Variants in RIMBP2 observed in about 807,000 individuals in gnomAD.
RIMBP2 encodes the protein RIMS-binding protein 2.
RIMBP2 carries 48 observed loss-of-function variants against 118.6 expected under a neutral mutation model. The ratio of observed to expected loss-of-function variants is 0.40; its 90% CI spans 0.32 to 0.51. The LOEUF (loss-of-function observed/expected upper bound fraction) is 0.51. Among genes scored for constraint, RIMBP2 ranks in the 20% least tolerant of loss-of-function variants. RIMBP2 has a pLI of 0.41. For synonymous variants in RIMBP2, 762 were observed against 742.9 expected (o/e 1.03, Z -0.42); for missense variants, 1,551 against 1,768.3 (o/e 0.88, Z 2.20).
rs548573900 is a variant in RIMBP2 at position 130,664,409 on chromosome 12, ACG to A, written c.-351-35955_-351-35954del. On this transcript the variant is annotated intron_variant, in intron 1 of 22. Coordinates refer to ENST00000690449, the MANE Select transcript of RIMBP2 (RefSeq NM_001393629.1). The stretch of plus-strand genomic sequence containing the variant: ...CGCATGCACACACACGCACGCACGC[ACG>A]CACACACACGCACACACATGCATGC... 4.5e-4 allele frequency among the ~76,000 whole-genome samples: 44 copies of A among 97,780 alleles called. 1 individual carries two copies. The highest frequency in any genetic ancestry group is 5.6e-3 in the Middle Eastern group (1 of 180). 64.1% of individuals were successfully genotyped at this position (97,780 alleles called of 152,430 possible).
intron 6 of RIMBP2, among the ~76,000 whole-genome samples, chr12:130,467,635 G>C (rs2080606507): frequency 6.6e-6 from 1 of 152,158 alleles, no homozygotes; most frequent in South Asian, 2.1e-4. Context: ...CAACATCCCT[G>C]TCTTAATAAA....
intron 1 of RIMBP2, among the ~76,000 whole-genome samples, chr12:130,642,820 A>G (rs1306052831): frequency 4.6e-5 from 7 of 152,326 alleles, no homozygotes; most frequent in African/African-American, 1.4e-4. Context: ...TCACACCAGC[A>G]GGTCACAGGC....
rs1027059513 is a variant in RIMBP2 at position 130,539,356 on chromosome 12, A to G, written c.-216-21439T>C. Among the ~76,000 whole-genome samples the G allele has an allele frequency of 9.2e-5, 14 of 152,326 alleles. No homozygotes were observed. In the East Asian group the frequency reaches 2.3e-3, roughly 25 times the overall value. ...TGTAGGAATATGAAGGAGGAAACAA[A>G]TGTAGAGATTTCTAGAAAATGTGAT... On this transcript the variant is annotated intron_variant, in intron 2 of 22. Transcript: ENST00000690449.
chr12:130,619,215 C>T (rs552330636), intron 2 of RIMBP2, among the ~76,000 whole-genome samples: 10 of 152,314 alleles, frequency 6.6e-5, no homozygotes, highest in East Asian at 1.9e-4. Context: ...GGGAATACTA[C>T]GCGAGCAAAG....
chr12:130,422,417 G>T lies in RIMBP2; in HGVS notation c.3238+36C>A. The T allele has an allele frequency of 6.8e-7, 1 of 1,467,884 alleles. No individual in the cohort carries two copies. Among genetic ancestry groups the T allele is most frequent in the Non-Finnish European group, 9.5e-7 (1 of 1,054,442 alleles). The allele number at this position is 1,467,884 out of a possible 1,614,324, so 90.9% of individuals were successfully genotyped here. The stretch of plus-strand genomic sequence containing the variant: ...GGAGTAAGCAGCCACATGCTCCGCG[G>T]CTGAAAGACACAACAGCGATGATGG... On this transcript the variant is annotated intron_variant, in intron 17 of 22. Transcript: ENST00000690449. This position sits in a 1 kb window ranked among gnomAD's most constrained non-coding sequence, Gnocchi z 5.2.
Position 130,438,347 on chromosome 12 carries a change from C to CCCCCCAACCAAAAAAA in RIMBP2, c.1656+17_1656+18insTTTTTTTGGTTGGGGG. 2 of 1,527,310 alleles carry CCCCCCAACCAAAAAAA rather than the reference C, an allele frequency of 1.3e-6. No individual in the cohort carries two copies. Among genetic ancestry groups the CCCCCCAACCAAAAAAA allele is most frequent in the African/African-American group, 1.3e-5 (1 of 74,170 alleles). 94.6% of individuals were successfully genotyped at this position (1,527,310 alleles called of 1,614,324 possible). On this transcript the variant is annotated intron_variant, in intron 12 of 22. Transcript: ENST00000690449. ...TAGGGCCTAACAAACCCTCCCCACC[C>CCCCCCAACCAAAAAAA]ACCCAACGAAAACTCACCCTCTGCC... is the stretch of plus-strand genomic sequence containing the variant.
In RIMBP2 at chr12:130,406,157, A is replaced by G. The variant is rs1406169676; in HGVS notation, c.3765+15T>C. 4 of 1,419,316 alleles carry G rather than the reference A, an allele frequency of 2.8e-6. No individual in the cohort carries two copies. Among genetic ancestry groups the G allele is most frequent in the Non-Finnish European group, 4.0e-6 (4 of 1,007,302 alleles). The allele number at this position is 1,419,316 out of a possible 1,614,324, so 87.9% of individuals were successfully genotyped here. A position where few individuals can be genotyped will look rare whatever the true frequency, so the allele number is the denominator to read the frequency against. On this transcript the variant is annotated intron_variant, in intron 21 of 22. Transcript: ENST00000690449. ...CAAAAATCAAATGGTACTTCTTGATATTTCAAAAACTTACATAATAAAATC... is the reference window on the plus strand; with the variant it reads ...CAAAAATCAAATGGTACTTCTTGATGTTTCAAAAACTTACATAATAAAATC...
In RIMBP2 at chr12:130,438,401, G is replaced by C; in HGVS notation, c.1620C>G (p.Asn540Lys). The C allele has an allele frequency of 6.7e-7, 1 of 1,488,784 alleles. No homozygotes were observed. Among genetic ancestry groups the C allele is most frequent in the Non-Finnish European group, 9.1e-7 (1 of 1,102,608 alleles). 92.2% of individuals were successfully genotyped at this position (1,488,784 alleles called of 1,614,324 possible). A position where few individuals can be genotyped will look rare whatever the true frequency, so the allele number is the denominator to read the frequency against. ...LTPTGLSNGA[N>K]VTGYGVYAKG... is the part of the protein sequence containing the mutation. ...TGGCATACACGCCGTAGCCGGTAAC[G>C]TTTGCGCCATTGGACAGCCCGGTGG... The change falls in exon 12 of 23, where the codon AAC becomes AAG. Residue 540 changes from asparagine to lysine, a missense_variant. By Grantham distance (94) the Asn-to-Lys change is moderately conservative. Around this residue, in one of 5 missense-constraint regions of RIMBP2, gnomAD observed 1,038 missense variants for 1,125.1 expected, o/e 0.92. Transcript: ENST00000690449.
chr12:130,483,986 G>A lies in RIMBP2; in HGVS notation c.-3-4970C>T, dbSNP rs112700013. 6.9e-3 allele frequency among the ~76,000 whole-genome samples: 1,051 copies of A among 152,200 alleles called. 15 individuals carry two copies. Among genetic ancestry groups the A allele is most frequent in the African/African-American group, 0.024 (1,002 of 41,522 alleles). ...TAACAGGGGCTGCGAGGGCTTCCGC[G>A]GCTCCTGGAAAGGCCCCAGAAGTTC... is the stretch of plus-strand genomic sequence containing the variant. On this transcript the variant is annotated intron_variant, in intron 4 of 22. Coordinates refer to ENST00000690449, the MANE Select transcript of RIMBP2 (RefSeq NM_001393629.1).
rs147517791 is a variant in RIMBP2 at position 130,613,393 on chromosome 12, C to T, written c.-217+14929G>A. On this transcript the variant is annotated intron_variant, in intron 2 of 22. Coordinates refer to ENST00000690449, the MANE Select transcript of RIMBP2 (RefSeq NM_001393629.1). ...ACCTGGAAGCCACAGGGCAAGAGAACCTGAGTGAGGAAGTCCAGTGAGCCC... is the reference window on the plus strand; with the variant it reads ...ACCTGGAAGCCACAGGGCAAGAGAATCTGAGTGAGGAAGTCCAGTGAGCCC... 6.2e-3 allele frequency among the ~76,000 whole-genome samples: 937 copies of T among 152,252 alleles called. 12 individuals carry two copies. Among genetic ancestry groups the T allele is most frequent in the African/African-American group, 0.021 (882 of 41,542 alleles).
At chr12:130,453,028 G>A (rs1052755834) in intron 7 of RIMBP2, among the ~76,000 whole-genome samples, 4 of 152,158 alleles carry the variant, frequency 2.6e-5, no homozygotes, top group Admixed American at 6.5e-5. Context: ...TGCAAACACC[G>A]CGCTCTCTCA....
chr12:130,458,453 A>G (rs962511111), intron 6 of RIMBP2, among the ~76,000 whole-genome samples: 2 of 152,064 alleles, frequency 1.3e-5, no homozygotes, highest in African/African-American at 4.8e-5. Flanking sequence ...CAGGGCTTGC[A>G]GGGGCTCTGA....
chr12:130,500,539 G>A (rs2049650499), intron 4 of RIMBP2, among the ~76,000 whole-genome samples: 1 of 152,152 alleles, frequency 6.6e-6, no homozygotes, highest in African/African-American at 2.4e-5. Flanking sequence ...AGGGAAGCAG[G>A]GCACGTTGTC....
intron 19 of RIMBP2, among the ~76,000 whole-genome samples, chr12:130,409,160 G>A (rs903485212): frequency 1.1e-4 from 16 of 152,090 alleles, no homozygotes; most frequent in African/African-American, 3.9e-4. Flanking sequence ...CCAGCGTGCA[G>A]TACTTTACGT....
At chr12:130,412,874 C>A in intron 18 of RIMBP2, 87 bp from the exon 19 acceptor site, 1 of 1,213,202 alleles carries the variant, frequency 8.2e-7, no homozygotes, top group South Asian at 1.7e-5. Flanking sequence ...TGAGTGTAGT[C>A]GAAAATATAT....
intron 2 of RIMBP2, among the ~76,000 whole-genome samples, chr12:130,592,253 CG>C (rs1466056374): frequency 6.6e-6 from 1 of 152,202 alleles, no homozygotes; most frequent in Non-Finnish European, 1.5e-5. Context: ...TCAGCCCTGG[CG>C]GGTGTTTCCT....
chr12:130,463,824 A>T (rs1011891842), intron 6 of RIMBP2, among the ~76,000 whole-genome samples: 12 of 151,982 alleles, frequency 7.9e-5, no homozygotes, highest in African/African-American at 2.7e-4. Flanking sequence ...GCTCAGCACA[A>T]GATACAGGTC....
intron 4 of RIMBP2, among the ~76,000 whole-genome samples, chr12:130,480,173 A>G (rs4759470): frequency 0.69 from 104,080 of 151,062 alleles, 37,117 homozygotes; most frequent in Admixed American, 0.81. Flanking sequence ...GCAAAATGCT[A>G]GAATTTCATT....
chr12:130,482,279 G>C (rs2082079441), intron 4 of RIMBP2, among the ~76,000 whole-genome samples: 1 of 152,174 alleles, frequency 6.6e-6, no homozygotes, highest in African/African-American at 2.4e-5. Flanking sequence ...TTCATTCATT[G>C]CTTCTTCTGG....
Sources: allele counts gnomAD v4.1 joint callset (sites outside exome capture counted in the v4.1 genomes callset), GRCh38; gene constraint gnomAD v4.1.1; regional missense constraint gnomAD v4.1.1; non-coding constraint Gnocchi (gnomAD v3.1); transcripts MANE v1.5; gene names NCBI Gene and HGNC (gene_info 2026-07-23, HGNC 2026-07-21).